The following GNA14 variants were observed in gnomAD, a reference collection of about 807,000 sequenced individuals.
GNA14 encodes guanine nucleotide-binding protein subunit alpha-14.
Under a neutral mutation model 42.0 loss-of-function variants are expected in GNA14, and 50 were observed. The ratio of observed to expected loss-of-function variants is 1.19; its 90% CI spans 0.95 to 1.51. The LOEUF is 1.51. Among genes scored for constraint, GNA14 ranks in the 40% most tolerant of loss-of-function variants. The pLI, the probability that GNA14 is intolerant of heterozygous loss-of-function variation, is 0.00. For synonymous variants in GNA14, 173 were observed against 163.1 expected, an observed-to-expected ratio of 1.06 and a Z score of -0.46; for missense variants, 473 against 446.2, an observed-to-expected ratio of 1.06 and a Z score of -0.54.
chr9:77,551,614 A>G (rs76806472), intron 1 of GNA14, among the ~76,000 whole-genome samples: 3,320 of 150,988 alleles, frequency 0.022, 59 homozygotes, highest in Middle Eastern at 0.044. Context: ...CCCTGCTCCT[A>G]AAGTCTGGTC....
At chr9:77,428,224 G>A (rs998193398) in intron 5 of GNA14, among the ~76,000 whole-genome samples, 6 of 151,776 alleles carry the variant, frequency 4.0e-5, no homozygotes, top group African/African-American at 9.7e-5. Flanking sequence ...GACTACAGGC[G>A]CCCACCACCA....
At chr9:77,517,364 G>A (rs1327446247) in intron 2 of GNA14, 1 of 151,842 alleles carries the variant, frequency 6.6e-6, no homozygotes, top group Non-Finnish European at 1.5e-5. Flanking sequence ...AAAATAGGGA[G>A]CGAGGGGCCA....
chr9:77,509,176 T>C (rs1488711903), intron 2 of GNA14, among the ~76,000 whole-genome samples: 1 of 152,190 alleles, frequency 6.6e-6, no homozygotes, highest in Admixed American at 6.5e-5. Flanking sequence ...CTACACTAGG[T>C]ACCTCATATA....
intron 1 of GNA14, among the ~76,000 whole-genome samples, chr9:77,536,553 G>A (rs185032547): frequency 1.3e-5 from 2 of 152,164 alleles, no homozygotes; most frequent in African/African-American, 4.8e-5. Context: ...GTTTCACCAC[G>A]TTGGCCAGGC....
At chr9:77,608,927 A>AGG (rs1302529518) in intron 1 of GNA14, among the ~76,000 whole-genome samples, 4 of 151,980 alleles carry the variant, frequency 2.6e-5, no homozygotes, top group Non-Finnish European at 5.9e-5. Flanking sequence ...TAGCTGATCA[A>AGG]ATCCTTCATT....
chr9:77,601,407 T>C (rs756499380), intron 1 of GNA14, among the ~76,000 whole-genome samples: 10 of 152,206 alleles, frequency 6.6e-5, no homozygotes, highest in African/African-American at 1.9e-4. Context: ...TTCACAGATA[T>C]AAACCTCATT....
At chr9:77,586,975 G>A (rs1823315048) in intron 1 of GNA14, among the ~76,000 whole-genome samples, 1 of 106,018 alleles carries the variant, frequency 9.4e-6, no homozygotes, top group African/African-American at 5.1e-5. Flanking sequence ...TTTACAGGCT[G>A]GTTTTTTTTT....
intron 1 of GNA14, among the ~76,000 whole-genome samples, chr9:77,531,327 A>G (rs1837525967): frequency 6.6e-6 from 1 of 152,168 alleles, no homozygotes; most frequent in South Asian, 2.1e-4. Context: ...AACAAGGATA[A>G]ACTGTGATGA....
chr9:77,641,616 T>C (rs1302585731), intron 1 of GNA14, among the ~76,000 whole-genome samples: 1 of 152,000 alleles, frequency 6.6e-6, no homozygotes, highest in Non-Finnish European at 1.5e-5. Flanking sequence ...AAAAATTCAG[T>C]GTCGTAGAAG....
intron 1 of GNA14, among the ~76,000 whole-genome samples, chr9:77,601,958 T>A (rs559203690): frequency 1.7e-4 from 26 of 152,306 alleles, no homozygotes; most frequent in Admixed American, 1.6e-3. Flanking sequence ...TTAAACCTAA[T>A]CTCCAGACAG....
intron 1 of GNA14, among the ~76,000 whole-genome samples, chr9:77,607,819 GA>G (rs972454238): frequency 1.3e-5 from 2 of 151,392 alleles, no homozygotes; most frequent in East Asian, 1.9e-4. Flanking sequence ...TGGAGAGAGA[GA>G]AAAAAAAACT....
chr9:77,575,993 C>T (rs1823122722), intron 1 of GNA14, among the ~76,000 whole-genome samples: 1 of 152,130 alleles, frequency 6.6e-6, no homozygotes, highest in Non-Finnish European at 1.5e-5. Flanking sequence ...CTGGTGCTAT[C>T]CATGGTGCTG....
chr9:77,425,161 G>T (rs1273312601), intron 6 of GNA14, among the ~76,000 whole-genome samples: 1 of 152,134 alleles, frequency 6.6e-6, no homozygotes, highest in Admixed American at 6.5e-5. Flanking sequence ...TGAGTGAGCA[G>T]AGGATATGAC....
intron 1 of GNA14, among the ~76,000 whole-genome samples, chr9:77,595,345 G>T (rs1053618102): frequency 2.0e-5 from 3 of 152,200 alleles, no homozygotes; most frequent in African/African-American, 7.2e-5. Flanking sequence ...TCATAGCTTC[G>T]TGAGCACAGA....
chr9:77,487,231 C>T (rs927849789), intron 2 of GNA14, among the ~76,000 whole-genome samples: 9 of 152,230 alleles, frequency 5.9e-5, no homozygotes, highest in Middle Eastern at 3.4e-3. Context: ...CATCATGCTA[C>T]TCAGAATGGT....
chr9:77,492,386 G>C (rs1356157437), intron 2 of GNA14, among the ~76,000 whole-genome samples: 1 of 151,500 alleles, frequency 6.6e-6, no homozygotes, highest in Non-Finnish European at 1.5e-5. Context: ...AAGTTGATTT[G>C]TTTGAAAGAT....
chr9:77,569,770 C>CT (rs3052392), intron 1 of GNA14, among the ~76,000 whole-genome samples: 1,945 of 142,920 alleles, frequency 0.014, 37 homozygotes, highest in African/African-American at 0.041. Flanking sequence ...TCCTTTCTTT[C>CT]TTTTTTTTTT....
rs1472626210 is a variant in GNA14 at position 77,429,011 on chromosome 9, A to G, written c.619T>C (p.Ser207Pro). 1.9e-6 allele frequency: 3 copies of G among 1,614,060 alleles called. No homozygotes were observed. In the South Asian group the frequency reaches 3.3e-5, roughly 18 times the overall value. ...CAGTGAATCCACTTCCGTCTTTCCG[A>G]TCGTTGGCCACCAACATCCACCATC... ...FRMVDVGGQRSERRKWIHCFE... is the reference protein window; with the variant it reads ...FRMVDVGGQRPERRKWIHCFE... The change falls in exon 5 of 7, where the codon TCG becomes CCG. Residue 207 changes from serine to proline, a missense_variant. By Grantham distance (74) the Ser-to-Pro change is moderately conservative. Coordinates refer to ENST00000341700, the MANE Select transcript of GNA14 (RefSeq NM_004297.4).
chr9:77,593,829 G>GAAAA (rs1016311771), intron 1 of GNA14, among the ~76,000 whole-genome samples: 2 of 152,210 alleles, frequency 1.3e-5, no homozygotes, highest in African/African-American at 2.4e-5. Flanking sequence ...AAGGCTGAAA[G>GAAAA]AAAAACAAGT....
Sources: gnomAD v4.1 joint callset for allele counts (sites outside exome capture counted in the v4.1 genomes callset) on GRCh38, gnomAD v4.1.1 for gene constraint, MANE v1.5 for transcripts, NCBI Gene and HGNC (gene_info 2026-07-23, HGNC 2026-07-21) for gene names.